Variants in TRIM67 observed in about 807,000 individuals in gnomAD.
TRIM67 encodes the protein tripartite motif containing 67.
A neutral mutation model predicts 71.0 loss-of-function variants in TRIM67; 39 were observed. The ratio of observed to expected loss-of-function variants is 0.55; its 90% CI spans 0.43 to 0.72. TRIM67 has a LOEUF of 0.72. Ranked by LOEUF, TRIM67 falls within the 30% of genes least tolerant of loss-of-function variation. TRIM67 has a pLI of 0.00. For synonymous variants in TRIM67, 481 were observed against 473.9 expected, an observed-to-expected ratio of 1.01 and a Z score of -0.19; for missense variants, 973 against 1,079.2, an observed-to-expected ratio of 0.90 and a Z score of 1.38.
At chr1:231,176,906 C>CAAAAAAAAAAAAAAAAAAAAAAAAA (rs56115614) in intron 1 of TRIM67, among the ~76,000 whole-genome samples, 9 of 74,400 alleles carry the variant, frequency 1.2e-4, no homozygotes, top group Non-Finnish European at 1.7e-4. Context: ...TACAATCTGG[C>CAAAAAAAAAAAAAAAAAAAAAAAAA]AAAAAAAAAA....
At chr1:231,164,214 A>C (rs1211068447) in intron 1 of TRIM67, among the ~76,000 whole-genome samples, 1 of 152,218 alleles carries the variant, frequency 6.6e-6, no homozygotes, top group Non-Finnish European at 1.5e-5. Flanking sequence ...TGGATGCTGG[A>C]GATGGGAAGG....
At chr1:231,178,878 G>A (rs190183229) in intron 1 of TRIM67, among the ~76,000 whole-genome samples, 209 of 152,230 alleles carry the variant, frequency 1.4e-3, no homozygotes, top group Admixed American at 2.6e-3. Flanking sequence ...ACACCTTCGG[G>A]GCACTCAGTT....
At chr1:231,184,353 C>G (rs1401810342) in intron 1 of TRIM67, 1 of 152,056 alleles carries the variant, frequency 6.6e-6, no homozygotes, top group Non-Finnish European at 1.5e-5. Context: ...ATGAGGACGT[C>G]GGCAGCAGTT....
Position 231,206,769 on chromosome 1 carries a change from G to T in TRIM67, c.1798G>T (p.Val600Phe). Residue 600 changes from valine to phenylalanine, a missense_variant, in exon 7 of 10, where the codon GTC becomes TTC. Val to Phe is a conservative substitution (Grantham distance 50). This residue lies in a region of TRIM67 where 795 missense variants were observed against 831.3 expected (regional missense o/e 0.96). Transcript: ENST00000366653. ...SSGVGPYSKT[V>F]VLQTSDVAWF... ...TGGTGTCGGGCCTTACAGTAAAACTGTCGTCCTGCAGACATCCGATGGTGA... is the reference window on the plus strand; with the variant it reads ...TGGTGTCGGGCCTTACAGTAAAACTTTCGTCCTGCAGACATCCGATGGTGA... The T allele has an allele frequency of 6.2e-7, 1 of 1,608,146 alleles. No homozygotes were observed. Among genetic ancestry groups the T allele is most frequent in the Non-Finnish European group, 8.5e-7 (1 of 1,177,438 alleles).
At chr1:231,181,689 AT>A (rs922101758) in intron 1 of TRIM67, among the ~76,000 whole-genome samples, 3 of 151,908 alleles carry the variant, frequency 2.0e-5, no homozygotes, top group South Asian at 2.1e-4. Flanking sequence ...TTTAGACTTG[AT>A]TTTTTTTCGT....
At position 231,203,913 on chromosome 1, in the gene TRIM67, C is replaced by G. The variant is rs1393893598; in HGVS notation, c.1581C>G (p.Asn527Lys). The G allele has an allele frequency of 1.2e-6, 2 of 1,613,864 alleles. No homozygotes were observed. Among genetic ancestry groups the G allele is most frequent in the Admixed American group, 3.3e-5 (2 of 60,008 alleles). Residue 527 changes from asparagine (N) to lysine (K), a missense_variant, in exon 6 of 10, where the codon AAC (asparagine) becomes AAG (lysine). Physicochemically the swap from Asn to Lys is moderately conservative, Grantham distance 94. Coordinates refer to ENST00000366653, the MANE Select transcript of TRIM67 (RefSeq NM_001004342.5). Reference sequence around the variant, plus strand: ...AGCTGGAGAAATGCTGCACCCGTAACAACAGCGTCACGCTGGCCTGGAGGA... The same window carrying G: ...AGCTGGAGAAATGCTGCACCCGTAAGAACAGCGTCACGCTGGCCTGGAGGA... ...LLQLEKCCTR[N>K]NSVTLAWRMP...
chr1:231,173,367 C>T (rs1043268443), intron 1 of TRIM67, among the ~76,000 whole-genome samples: 6 of 152,146 alleles, frequency 3.9e-5, no homozygotes, highest in Non-Finnish European at 5.9e-5. Context: ...GGTAACATAA[C>T]GAGACCTTGT....
At chr1:231,202,155 G>GAAA (rs1683559701) in intron 5 of TRIM67, among the ~76,000 whole-genome samples, 1 of 4,002 alleles carries the variant, frequency 2.5e-4, no homozygotes. Flanking sequence ...AGAGGTAGCG[G>GAAA]AGGAGGAGGT....
intron 1 of TRIM67, among the ~76,000 whole-genome samples, chr1:231,183,926 G>A (rs896641628): frequency 1.3e-5 from 2 of 152,176 alleles, no homozygotes; most frequent in African/African-American, 4.8e-5. Flanking sequence ...TTCCCCAAGT[G>A]TGAAGAAGCA....
chr1:231,197,684 G>C (rs1448553411), intron 2 of TRIM67, among the ~76,000 whole-genome samples: 1 of 152,184 alleles, frequency 6.6e-6, no homozygotes, highest in African/African-American at 2.4e-5. Flanking sequence ...AATTAGCCGG[G>C]CGTGGTGGCG....
At chr1:231,201,005 G>A (rs1683505295) in intron 4 of TRIM67, among the ~76,000 whole-genome samples, 1 of 152,094 alleles carries the variant, frequency 6.6e-6, no homozygotes, top group South Asian at 2.1e-4. Context: ...CTGCTAGTAT[G>A]CTTCACTTTG....
intron 1 of TRIM67, among the ~76,000 whole-genome samples, chr1:231,166,944 G>GT (rs1027735783): frequency 1.3e-5 from 2 of 152,104 alleles, no homozygotes; most frequent in Admixed American, 1.3e-4. Context: ...ATGAAAATCT[G>GT]TTTTTCCTGA....
rs532614891 is a variant in TRIM67, at chr1:231,200,525, A to T, written c.1374+267A>T. On this transcript the variant is annotated intron_variant, in intron 4 of 9. Transcript: ENST00000366653. Reference sequence around the variant, plus strand: ...TCACTGCAACATTTTCCCCAAAAGGACAGTCTTGCCAAACAAGCTGGACAG... The same window carrying T: ...TCACTGCAACATTTTCCCCAAAAGGTCAGTCTTGCCAAACAAGCTGGACAG... Among the ~76,000 whole-genome samples the T allele has an allele frequency of 1.6e-4, 24 of 152,360 alleles. 1 individual carries two copies. Among genetic ancestry groups the T allele is most frequent in the Middle Eastern group, 6.8e-3 (2 of 294 alleles).
At chr1:231,188,630 T>G (rs1448116749) in intron 1 of TRIM67, among the ~76,000 whole-genome samples, 6 of 152,112 alleles carry the variant, frequency 3.9e-5, no homozygotes, top group Non-Finnish European at 8.8e-5. Context: ...TGGGTTTGAG[T>G]CCTGGCCACA....
At chr1:231,164,494 C>T (rs749122346) in intron 1 of TRIM67, among the ~76,000 whole-genome samples, 6 of 152,138 alleles carry the variant, frequency 3.9e-5, no homozygotes, top group Non-Finnish European at 7.4e-5. Context: ...TGATCAGACC[C>T]CAAGTCAAGA....
At chr1:231,193,821 C>G (rs1436915537) in intron 1 of TRIM67, among the ~76,000 whole-genome samples, 1 of 152,034 alleles carries the variant, frequency 6.6e-6, no homozygotes, top group African/African-American at 2.4e-5. Context: ...TGTTTAACAA[C>G]CAGTTCTCGT....
rs1381880648 is a variant in TRIM67 at position 231,219,685 on chromosome 1, G to C, written c.*4245G>C. On this transcript the variant is annotated 3_prime_UTR_variant, in exon 10 of 10. Transcript: ENST00000366653. Reference sequence around the variant, plus strand: ...GCAACAGGAACTTCTTAATGGGTTTGTGGCCCTCAATTGGTTTTTAAAAAA... The same window carrying C: ...GCAACAGGAACTTCTTAATGGGTTTCTGGCCCTCAATTGGTTTTTAAAAAA... 5.1e-6 allele frequency: 6 copies of C among 1,184,790 alleles called. No individual in the cohort carries two copies. The East Asian group carries it at 3.5e-4, about 70-fold the overall frequency. The allele number at this position is 1,184,790 out of a possible 1,614,324, so 73.4% of individuals were successfully genotyped here.
At chr1:231,188,184 A>C (rs1241670712) in intron 1 of TRIM67, among the ~76,000 whole-genome samples, 1 of 152,066 alleles carries the variant, frequency 6.6e-6, no homozygotes, top group East Asian at 1.9e-4. Context: ...CCTCCCCCAG[A>C]CACCTTGCTC....
At chr1:231,191,245 G>A (rs1215659752) in intron 1 of TRIM67, among the ~76,000 whole-genome samples, 5 of 152,112 alleles carry the variant, frequency 3.3e-5, no homozygotes, top group Non-Finnish European at 7.4e-5. Context: ...TGTATTTTTT[G>A]TAGTGACAGG....
Sources: allele counts gnomAD v4.1 joint callset (sites outside exome capture counted in the v4.1 genomes callset), GRCh38; gene constraint gnomAD v4.1.1; regional missense constraint gnomAD v4.1.1; transcripts MANE v1.5; gene names NCBI Gene and HGNC (gene_info 2026-07-23, HGNC 2026-07-21).